Variants in FAF1 observed in about 807,000 individuals in gnomAD.
FAF1 encodes FAS-associated factor 1.
FAF1 carries 25 observed loss-of-function variants against 92.5 expected under a neutral mutation model. The ratio of observed to expected loss-of-function variants is 0.27; its 90% CI spans 0.20 to 0.38. The LOEUF (loss-of-function observed/expected upper bound fraction) is 0.38, where lower values mean the gene tolerates loss of function less well. Ranked by LOEUF, FAF1 falls within the 10% of genes least tolerant of loss-of-function variation. FAF1 has a pLI of 1.00. For synonymous variants in FAF1, 234 were observed against 273.2 expected (o/e 0.86, Z 1.42); for missense variants, 636 against 793.3 (o/e 0.80, Z 2.38).
intron 18 of FAF1, among the ~76,000 whole-genome samples, chr1:50,451,110 A>C (rs1646288899): frequency 6.6e-6 from 1 of 152,160 alleles, no homozygotes; most frequent in Non-Finnish European, 1.5e-5. Flanking sequence ...CTAGAGAGTG[A>C]GGCTGGGTGG....
At position 50,587,125 on chromosome 1, in the gene FAF1, CCTTTTA is replaced by C. The variant is rs1651275117; in HGVS notation, c.841-2320_841-2315del. Among the ~76,000 whole-genome samples the C allele has an allele frequency of 2.0e-5, 3 of 152,294 alleles. No individual in the cohort carries two copies. The South Asian group carries it at 6.2e-4, about 32-fold the overall frequency. On this transcript the variant is annotated intron_variant, in intron 9 of 18. Transcript: ENST00000396153. ...ATATATACTTCTTTCTATACTTACC[CCTTTTA>C]CTTTACTGTCCCACATCCATCCTCT...
intron 4 of FAF1, among the ~76,000 whole-genome samples, chr1:50,746,537 G>T (rs1460126819): frequency 6.6e-6 from 1 of 151,040 alleles, no homozygotes; most frequent in Non-Finnish European, 1.5e-5. Context: ...CCCAACCTCA[G>T]GTGATCCGTC....
intron 1 of FAF1, among the ~76,000 whole-genome samples, chr1:50,867,881 C>T (rs1364631407): frequency 6.6e-6 from 1 of 152,064 alleles, no homozygotes; most frequent in African/African-American, 2.4e-5. Flanking sequence ...CTTGCACACA[C>T]GTTTATAGCA....
chr1:50,593,606 T>A (rs929108207), intron 9 of FAF1, among the ~76,000 whole-genome samples: 14 of 151,238 alleles, frequency 9.3e-5, no homozygotes, highest in Non-Finnish European at 1.9e-4. Flanking sequence ...TAAAGTGCTT[T>A]AAAAAAAAAT....
chr1:50,958,802 T>C (rs2124770844), intron 1 of FAF1, among the ~76,000 whole-genome samples: 1 of 152,268 alleles, frequency 6.6e-6, no homozygotes, highest in Non-Finnish European at 1.5e-5. Flanking sequence ...TTAGAACCTG[T>C]GCAATGTGAG....
At chr1:50,581,942 G>C (rs1249964644) in intron 12 of FAF1, among the ~76,000 whole-genome samples, 1 of 150,482 alleles carries the variant, frequency 6.6e-6, no homozygotes, top group Non-Finnish European at 1.5e-5. Context: ...ATAGTGATTA[G>C]AATCTTCTTG....
At chr1:50,865,243 C>G (rs1359920601) in intron 1 of FAF1, among the ~76,000 whole-genome samples, 4 of 152,086 alleles carry the variant, frequency 2.6e-5, no homozygotes, top group Non-Finnish European at 5.9e-5. Flanking sequence ...GTTGGTGGGA[C>G]TGTAAACTAG....
Position 50,788,153 on chromosome 1 carries a change from G to A in FAF1, c.214C>T (p.Pro72Ser), listed in dbSNP as rs201770728. 8.1e-5 allele frequency: 130 copies of A among 1,614,010 alleles called. 1 individual carries two copies. The highest frequency in any genetic ancestry group is 1.6e-4 in the Middle Eastern group (1 of 6,084). Residue 72 changes from proline (P) to serine (S), a missense_variant, in exon 4 of 19, where the codon CCA becomes TCA. Around this residue, in one of 2 missense-constraint regions of FAF1, gnomAD observed 317 missense variants for 342.4 expected, o/e 0.93. Transcript: ENST00000396153. ...GAAGAGGAAGTAGGAGCTGAAGCTG[G>A]ATGACTTGCTGGATTAAATGCAGGT... is the stretch of plus-strand genomic sequence containing the variant. ...PGPAFNPASH[P>S]ASAPTSSSSS...
At chr1:50,630,995 G>A (rs1489825129) in intron 8 of FAF1, among the ~76,000 whole-genome samples, 1 of 151,656 alleles carries the variant, frequency 6.6e-6, no homozygotes, top group East Asian at 1.9e-4. Flanking sequence ...TAGAGATGGG[G>A]TTTCACCATC....
chr1:50,441,606 T>G (rs1410965250), intron 18 of FAF1, 83 bp from the exon 19 acceptor site: 1 of 681,722 alleles, frequency 1.5e-6, no homozygotes, highest in Non-Finnish European at 2.4e-6. Context: ...CTATGCACAC[T>G]GATTCTGAAA....
intron 8 of FAF1, among the ~76,000 whole-genome samples, chr1:50,604,226 C>T (rs1270127243): frequency 6.6e-6 from 1 of 152,120 alleles, no homozygotes; most frequent in South Asian, 2.1e-4. Flanking sequence ...CCATATCTTC[C>T]ACCACTCAGC....
intron 9 of FAF1, among the ~76,000 whole-genome samples, chr1:50,589,635 T>G (rs1651408075): frequency 6.6e-6 from 1 of 152,240 alleles, no homozygotes; most frequent in Admixed American, 6.5e-5. Context: ...GTTGCCTTTT[T>G]AACTCCATTG....
intron 3 of FAF1, among the ~76,000 whole-genome samples, chr1:50,799,661 TA>T (rs1322950199): frequency 1.3e-4 from 20 of 152,230 alleles, no homozygotes; most frequent in African/African-American, 4.3e-4. Flanking sequence ...AATATTGCTT[TA>T]TATAGTAATT....
chr1:50,861,437 T>A (rs1644431786), intron 1 of FAF1, among the ~76,000 whole-genome samples: 1 of 151,712 alleles, frequency 6.6e-6, no homozygotes, highest in South Asian at 2.1e-4. Flanking sequence ...TTATCCTTAG[T>A]GAAATGACCC....
At chr1:50,761,980 C>T (rs1486784030) in intron 4 of FAF1, among the ~76,000 whole-genome samples, 2 of 152,110 alleles carry the variant, frequency 1.3e-5, no homozygotes, top group Non-Finnish European at 2.9e-5. Flanking sequence ...TGATAAGCAA[C>T]TTCAGCAAAG....
chr1:50,926,771 C>T (rs1645009301), intron 1 of FAF1, among the ~76,000 whole-genome samples: 1 of 152,078 alleles, frequency 6.6e-6, no homozygotes, highest in Non-Finnish European at 1.5e-5. Context: ...TGGTTATGTA[C>T]CCAAAAGACT....
At chr1:50,953,596 G>A (rs1243490562) in intron 1 of FAF1, among the ~76,000 whole-genome samples, 1 of 151,870 alleles carries the variant, frequency 6.6e-6, no homozygotes, top group Non-Finnish European at 1.5e-5. Flanking sequence ...AAATTAGCCA[G>A]GCGTAGTTGG....
intron 1 of FAF1, among the ~76,000 whole-genome samples, chr1:50,907,319 A>G (rs1052703099): frequency 6.6e-6 from 1 of 152,206 alleles, no homozygotes. Context: ...GATGTTCATC[A>G]GGGATATTAG....
intron 13 of FAF1, among the ~76,000 whole-genome samples, chr1:50,542,619 T>C (rs1344246706): frequency 1.3e-5 from 2 of 152,212 alleles, no homozygotes; most frequent in African/African-American, 2.4e-5. Flanking sequence ...CAGAGTTAGA[T>C]GTCATAAAGT....
Sources: gnomAD v4.1 joint callset for allele counts (sites outside exome capture counted in the v4.1 genomes callset) on GRCh38, gnomAD v4.1.1 for gene constraint, gnomAD v4.1.1 regional missense constraint, MANE v1.5 for transcripts, NCBI Gene and HGNC (gene_info 2026-07-23, HGNC 2026-07-21) for gene names.